BABAM2: variants seen among roughly 807,000 people sequenced by gnomAD.
The protein encoded by BABAM2 is BRISC and BRCA1-A complex member 2.
BABAM2 carries 31 observed loss-of-function variants against 54.7 expected under a neutral mutation model. That is an observed-to-expected ratio of 0.57 (90% CI 0.43 to 0.77). The LOEUF (loss-of-function observed/expected upper bound fraction) is 0.77, where lower values mean the gene tolerates loss of function less well. Ranked by LOEUF, BABAM2 falls within the 30% of genes least tolerant of loss-of-function variation. The pLI, the probability that BABAM2 is intolerant of heterozygous loss-of-function variation, is 0.00. For synonymous variants in BABAM2, 167 were observed against 162.9 expected (o/e 1.03, Z -0.19); for missense variants, 364 against 455.8 (o/e 0.80, Z 1.83).
At position 27,993,060 on chromosome 2, in the gene BABAM2, GTT is replaced by G. The variant is rs1435251564; in HGVS notation, c.300+4974_300+4975del. ...ACTTATCATCATTTGATGATTTTTG[GTT>G]GCTTGTTTGGTGTCTGTCTCTGCCA... On this transcript the variant is annotated intron_variant, in intron 4 of 11. Coordinates refer to ENST00000379624, the MANE Select transcript of BABAM2 (RefSeq NM_199191.3). 2.0e-5 allele frequency among the ~76,000 whole-genome samples: 3 copies of G among 152,130 alleles called. No homozygotes were observed. In the East Asian group the frequency reaches 5.8e-4, roughly 29 times the overall value.
At chr2:28,142,210 T>A (rs897758387) in intron 7 of BABAM2, among the ~76,000 whole-genome samples, 2 of 152,172 alleles carry the variant, frequency 1.3e-5, no homozygotes, top group Non-Finnish European at 2.9e-5. Flanking sequence ...CTAGACTTGT[T>A]AAAATTCAGA....
intron 5 of BABAM2, among the ~76,000 whole-genome samples, chr2:28,027,138 G>A (rs759290594): frequency 1.3e-5 from 2 of 149,324 alleles, no homozygotes; most frequent in Admixed American, 6.8e-5. Context: ...AGCCACACTG[G>A]CACCCTGCTG....
At chr2:27,977,430 A>C (rs1671680534) in intron 3 of BABAM2, among the ~76,000 whole-genome samples, 1 of 152,160 alleles carries the variant, frequency 6.6e-6, no homozygotes, top group East Asian at 1.9e-4. Flanking sequence ...ATAAATTTAA[A>C]ATTTCAAAAT....
chr2:28,124,701 C>T (rs1669354425), intron 6 of BABAM2, among the ~76,000 whole-genome samples: 1 of 152,204 alleles, frequency 6.6e-6, no homozygotes, highest in African/African-American at 2.4e-5. Flanking sequence ...TAAGATCCTG[C>T]TCTTACCCAC....
At chr2:28,204,865 G>A (rs116006686) in intron 7 of BABAM2, among the ~76,000 whole-genome samples, 356 of 151,866 alleles carry the variant, frequency 2.3e-3, no homozygotes, top group African/African-American at 8.1e-3. Flanking sequence ...ACAATACCTC[G>A]CAGCCCCCCG....
intron 11 of BABAM2, among the ~76,000 whole-genome samples, chr2:28,300,735 G>A (rs1013402266): frequency 2.0e-5 from 3 of 152,170 alleles, no homozygotes; most frequent in Admixed American, 6.5e-5. Flanking sequence ...TTCAGTATAG[G>A]AATATCGTAA....
chr2:28,143,968 C>A (rs1425498598), intron 7 of BABAM2, among the ~76,000 whole-genome samples: 2 of 152,164 alleles, frequency 1.3e-5, no homozygotes, highest in African/African-American at 4.8e-5. Context: ...ATGATAAAGT[C>A]TTTAGTGAAA....
chr2:28,238,345 CTCTT>C (rs911789165), intron 8 of BABAM2, among the ~76,000 whole-genome samples: 8 of 152,336 alleles, frequency 5.3e-5, no homozygotes, highest in African/African-American at 1.9e-4. Flanking sequence ...AATGCTGACT[CTCTT>C]TCTTCTCCCA....
In BABAM2 at chr2:28,279,677, T is replaced by G. The variant is rs1012536758; in HGVS notation, c.935-18661T>G. Among the ~76,000 whole-genome samples, 29 of 149,232 alleles carry G rather than the reference T, an allele frequency of 1.9e-4. 1 individual carries two copies. Among genetic ancestry groups the G allele is most frequent in the African/African-American group, 7.2e-4 (29 of 40,174 alleles). ...CTCAAAGGCTTTTTTTTTTTTTTTT[T>G]TTTTTGAGATGGAGTTTCACTCTTG... On this transcript the variant is annotated intron_variant, in intron 10 of 11. Transcript: ENST00000379624.
chr2:28,235,720 G>A (rs891736224), intron 7 of BABAM2, among the ~76,000 whole-genome samples: 1 of 152,196 alleles, frequency 6.6e-6, no homozygotes, highest in African/African-American at 2.4e-5. Flanking sequence ...ACAGAGGCAC[G>A]ATCTCGGCTC....
chr2:28,160,558 T>A (rs1416614527), intron 7 of BABAM2, among the ~76,000 whole-genome samples: 1 of 152,120 alleles, frequency 6.6e-6, no homozygotes, highest in African/African-American at 2.4e-5. Flanking sequence ...ATCACACAAA[T>A]ATGGCTTTTT....
chr2:28,210,808 A>T (rs1022896704), intron 7 of BABAM2, among the ~76,000 whole-genome samples: 4 of 152,228 alleles, frequency 2.6e-5, no homozygotes, highest in Non-Finnish European at 5.9e-5. Flanking sequence ...TCTCCAAAAG[A>T]ATAGTGGGTA....
At chr2:28,237,165 C>T (rs1231871436) in intron 7 of BABAM2, 37 bp from the exon 8 acceptor site, 1 of 1,567,050 alleles carries the variant, frequency 6.4e-7, no homozygotes, top group Non-Finnish European at 8.8e-7. Context: ...TTGCTTGAGC[C>T]CTAAGAGAAG....
At chr2:28,017,999 T>G (rs1280404437) in intron 4 of BABAM2, among the ~76,000 whole-genome samples, 1 of 152,222 alleles carries the variant, frequency 6.6e-6, no homozygotes, top group African/African-American at 2.4e-5. Context: ...ATTTTTTAAT[T>G]TTTGTATTTC....
chr2:28,198,778 A>T (rs1264352139), intron 7 of BABAM2, among the ~76,000 whole-genome samples: 1 of 152,192 alleles, frequency 6.6e-6, no homozygotes, highest in Non-Finnish European at 1.5e-5. Context: ...TGTGGTATCA[A>T]CAGTCTTTGG....
In BABAM2 at chr2:28,188,745, CA is replaced by C. The variant is rs1054227233; in HGVS notation, c.681-48454del. Among the ~76,000 whole-genome samples the C allele has an allele frequency of 2.2e-4, 33 of 152,136 alleles. 1 individual carries two copies. The highest frequency in any genetic ancestry group is 7.5e-4 in the African/African-American group (31 of 41,422). On this transcript the variant is annotated intron_variant, in intron 7 of 11. Coordinates refer to ENST00000379624, the MANE Select transcript of BABAM2 (RefSeq NM_199191.3). ...CATGAGCTCCCAAAGGACAAGGAAG[CA>C]AATCCACAGCTCCTTGAAGCCCCTT...
chr2:28,104,648 A>C (rs1667351726), intron 6 of BABAM2, among the ~76,000 whole-genome samples: 1 of 152,230 alleles, frequency 6.6e-6, no homozygotes, highest in Non-Finnish European at 1.5e-5. Context: ...TTAGGGATCT[A>C]GAACTAGAAA....
At chr2:27,904,982 A>G (rs976484422) in intron 2 of BABAM2, among the ~76,000 whole-genome samples, 3 of 152,232 alleles carry the variant, frequency 2.0e-5, no homozygotes, top group Admixed American at 6.5e-5. Flanking sequence ...GTTCTTCCAT[A>G]CTGCGTGCTT....
chr2:28,176,592 A>AAAAAAAAAAAAAAAAAAAAAAC (rs1308171583), intron 7 of BABAM2, among the ~76,000 whole-genome samples: 1 of 145,786 alleles, frequency 6.9e-6, no homozygotes, highest in Admixed American at 6.9e-5. Flanking sequence ...AAAAAAAAAA[A>AAAAAAAAAAAAAAAAAAAAAAC]AAAACCTCAC....
Sources: gnomAD v4.1 joint callset for allele counts (sites outside exome capture counted in the v4.1 genomes callset) on GRCh38, gnomAD v4.1.1 for gene constraint, MANE v1.5 for transcripts, NCBI Gene and HGNC (gene_info 2026-07-23, HGNC 2026-07-21) for gene names.